The following DCHS2 variants were observed in gnomAD, a reference collection of about 807,000 sequenced individuals.
The protein encoded by DCHS2 is dachsous cadherin-related 2.
In DCHS2, 142 loss-of-function variants were observed where a neutral mutation model predicts 182.4. The observed-to-expected ratio is 0.78, with a 90% confidence interval of 0.68 to 0.89. DCHS2 has a LOEUF of 0.89. Among genes scored for constraint, DCHS2 ranks in the 40% least tolerant of loss-of-function variants. The pLI is 0.00. For synonymous variants in DCHS2, 1,740 were observed against 1,663.3 expected (o/e 1.05, Z -1.12); for missense variants, 4,319 against 4,198.6 (o/e 1.03, Z -0.79).
chr4:154,487,797 A>T (rs555499319), intron 1 of DCHS2, among the ~76,000 whole-genome samples: 5 of 152,232 alleles, frequency 3.3e-5, no homozygotes, highest in African/African-American at 1.2e-4. Flanking sequence ...ATGCCCTGGT[A>T]AGCTCTTCAG....
In DCHS2 at chr4:154,349,550, C is replaced by A. The variant is rs545808883; in HGVS notation, c.2477-14446G>T. On this transcript the variant is annotated intron_variant, in intron 3 of 19. Transcript: ENST00000357232. Reference sequence around the variant, plus strand: ...CCTGTATTTCAAAAGCATATTATTTCTGCCTTCTCCTTACTTCATGGGAGG... The same window carrying A: ...CCTGTATTTCAAAAGCATATTATTTATGCCTTCTCCTTACTTCATGGGAGG... Among the ~76,000 whole-genome samples the A allele has an allele frequency of 3.9e-5, 6 of 152,344 alleles. No homozygotes were observed. In the South Asian group the frequency reaches 1.2e-3, roughly 32 times the overall value.
At chr4:154,389,535 T>TATATATATATATATATATAA (rs1243968167) in intron 1 of DCHS2, among the ~76,000 whole-genome samples, 2 of 146,016 alleles carry the variant, frequency 1.4e-5, no homozygotes, top group Non-Finnish European at 3.0e-5. Context: ...TATATATATA[T>TATATATATATATATATATAA]AACCTTTTTT....
chr4:154,339,736 C>A (rs534295850), intron 3 of DCHS2, among the ~76,000 whole-genome samples: 1 of 152,024 alleles, frequency 6.6e-6, no homozygotes. Flanking sequence ...TGTGAGCGAC[C>A]GCGCCCAGCC....
In DCHS2 at chr4:154,366,382, A is replaced by T; in HGVS notation, c.2304T>A (p.His768Gln). ...RVDLEDVNDN[H>Q]PVFNPSTYVT... ...CATAGGTTGATGGGTTAAACACAGG[A>T]TGATTATCATTCACGTCCTCCAGGT... is the stretch of plus-strand genomic sequence containing the variant. The change falls in exon 3 of 20, where the codon CAT (histidine) becomes CAA (glutamine). Residue 768 changes from histidine (H) to glutamine (Q), a missense_variant. By Grantham distance (24) the His-to-Gln change is conservative. Transcript: ENST00000357232. 1.2e-6 allele frequency: 2 copies of T among 1,613,950 alleles called. No homozygotes were observed. Among genetic ancestry groups the T allele is most frequent in the Non-Finnish European group, 1.7e-6 (2 of 1,179,946 alleles).
rs56268638 is a variant in DCHS2, at chr4:154,400,302, C to CAAAAAAAAAAAAA, written c.2053-22871_2053-22859dup. Reference sequence around the variant, plus strand: ...TGGGCAACAGAGCGAGACTTCGTCTCAAAAAAAAAAAAAAAGGAAGTAGGC... The same window carrying CAAAAAAAAAAAAA: ...TGGGCAACAGAGCGAGACTTCGTCTCAAAAAAAAAAAAAAAAAAAAAAAAAAAAGGAAGTAGGC... On this transcript the variant is annotated intron_variant, in intron 1 of 19. Coordinates refer to ENST00000357232, the MANE Select transcript of DCHS2 (RefSeq NM_001358235.2). Among the ~76,000 whole-genome samples, 143 of 91,394 alleles carry CAAAAAAAAAAAAA rather than the reference C, an allele frequency of 1.6e-3. 3 individuals carry two copies. Among genetic ancestry groups the CAAAAAAAAAAAAA allele is most frequent in the African/African-American group, 5.2e-3 (132 of 25,148 alleles). 60.0% of individuals were successfully genotyped at this position (91,394 alleles called of 152,430 possible).
intron 9 of DCHS2, among the ~76,000 whole-genome samples, chr4:154,318,117 T>C (rs1735926814): frequency 2.0e-5 from 3 of 152,058 alleles, no homozygotes; most frequent in South Asian, 4.1e-4. Context: ...CAGCCCATAG[T>C]GTCAGCTAGC....
In DCHS2 at chr4:154,426,309, G is replaced by A. The variant is rs192211784; in HGVS notation, c.2053-48865C>T. 1.1e-4 allele frequency among the ~76,000 whole-genome samples: 17 copies of A among 152,320 alleles called. No homozygotes were observed. In the East Asian group the frequency reaches 1.5e-3, roughly 14 times the overall value. On this transcript the variant is annotated intron_variant, in intron 1 of 19. Transcript: ENST00000357232. ...TTTTAGTGGCAGACAGTGTAAGGCTGTAGTGAATACCTAACAGAGAAAAGT... is the reference window on the plus strand; with the variant it reads ...TTTTAGTGGCAGACAGTGTAAGGCTATAGTGAATACCTAACAGAGAAAAGT...
rs753741384 is a variant in DCHS2 at position 154,234,631 on chromosome 4, C to T, written c.10021G>A (p.Ala3341Thr). ...SLSLLTMQPP[A>T]LSPLLREGEL... ...CCTTCTCTCAACAGTGGAGACAAGGCAGGAGGCTGCATCGTCAATAGGGAA... is the reference window on the plus strand; with the variant it reads ...CCTTCTCTCAACAGTGGAGACAAGGTAGGAGGCTGCATCGTCAATAGGGAA... The change falls in exon 20 of 20, where the codon GCC becomes ACC. Residue 3341 changes from alanine to threonine, a missense_variant. By Grantham distance (58) the Ala-to-Thr change is moderately conservative. Transcript: ENST00000357232. 9 of 1,613,908 alleles carry T rather than the reference C, an allele frequency of 5.6e-6. No homozygotes were observed. Among genetic ancestry groups the T allele is most frequent in the South Asian group, 1.1e-5 (1 of 91,076 alleles).
chr4:154,415,657 A>G (rs1732801031), intron 1 of DCHS2, among the ~76,000 whole-genome samples: 1 of 152,198 alleles, frequency 6.6e-6, no homozygotes, highest in African/African-American at 2.4e-5. Context: ...CTGGAGACCT[A>G]AAGCTACGGT....
chr4:154,289,730 T>A (rs115504602), intron 13 of DCHS2, among the ~76,000 whole-genome samples: 91 of 152,206 alleles, frequency 6.0e-4, no homozygotes, highest in Non-Finnish European at 9.3e-4. Context: ...ATTAAGAAGA[T>A]CATTCATCAT....
chr4:154,460,255 G>A (rs1734956332), intron 1 of DCHS2, among the ~76,000 whole-genome samples: 1 of 152,158 alleles, frequency 6.6e-6, no homozygotes, highest in Non-Finnish European at 1.5e-5. Flanking sequence ...TTATTTTGAT[G>A]AGCTCAAGTT....
intron 1 of DCHS2, among the ~76,000 whole-genome samples, chr4:154,442,698 G>T (rs551319344): frequency 1.3e-5 from 2 of 151,926 alleles, no homozygotes; most frequent in South Asian, 2.1e-4. Flanking sequence ...CTCCTTCTTG[G>T]AATCCATAAT....
At chr4:154,445,312 A>G (rs1179637317) in intron 1 of DCHS2, among the ~76,000 whole-genome samples, 1 of 152,230 alleles carries the variant, frequency 6.6e-6, no homozygotes, top group Non-Finnish European at 1.5e-5. Context: ...TCATGCTCTG[A>G]GAAAACTAAC....
At chr4:154,341,599 T>C (rs13111225) in intron 3 of DCHS2, among the ~76,000 whole-genome samples, 58 of 117,106 alleles carry the variant, frequency 5.0e-4, no homozygotes, top group South Asian at 1.9e-3. Flanking sequence ...TATATACACA[T>C]ACATTCATAT....
chr4:154,266,773 A>G (rs895413275), intron 14 of DCHS2, among the ~76,000 whole-genome samples: 2 of 152,286 alleles, frequency 1.3e-5, no homozygotes, highest in African/African-American at 4.8e-5. Context: ...ATTGTATTCT[A>G]TAATTTTGTC....
chr4:154,331,838 G>A, intron 5 of DCHS2: 1 of 1,020,482 alleles, frequency 9.8e-7, no homozygotes. Flanking sequence ...TCATTGTAAG[G>A]ATTAAATAAA....
At chr4:154,464,212 C>T (rs116764360) in intron 1 of DCHS2, among the ~76,000 whole-genome samples, 2,360 of 152,228 alleles carry the variant, frequency 0.016, 55 homozygotes, top group African/African-American at 0.053. Context: ...AACAGCCATA[C>T]TGAAACATAT....
At position 154,237,168 on chromosome 4, in the gene DCHS2, T is replaced by A. The variant is rs776951652; in HGVS notation, c.7493-9A>T. On this transcript the variant is annotated splice_polypyrimidine_tract_variant and intron_variant, in intron 19 of 19. Transcript: ENST00000357232. The stretch of plus-strand genomic sequence containing the variant: ...GATAGTAAATATTGTGCCTGAAAAA[T>A]AAGACATAGTATTTCAACACTGTGA... 1.9e-6 allele frequency: 3 copies of A among 1,596,362 alleles called. No homozygotes were observed. In the East Asian group the frequency reaches 6.7e-5, roughly 36 times the overall value.
intron 2 of DCHS2, chr4:154,374,030 C>T (rs1349281638): frequency 8.9e-7 from 1 of 1,125,906 alleles, no homozygotes. Context: ...AAAAAACTTG[C>T]TTATATAACC....
Sources: gnomAD v4.1 joint callset for allele counts (sites outside exome capture counted in the v4.1 genomes callset) on GRCh38, gnomAD v4.1.1 for gene constraint, MANE v1.5 for transcripts, NCBI Gene and HGNC (gene_info 2026-07-23, HGNC 2026-07-21) for gene names.